The following SELENOT variants were observed in gnomAD, a reference collection of about 807,000 sequenced individuals.
SELENOT encodes selenoprotein T, also known as thioredoxin reductase-like selenoprotein T.
A neutral mutation model predicts 24.3 loss-of-function variants in SELENOT; 9 were observed. The observed-to-expected ratio is 0.37, with a 90% CI of 0.22 to 0.65. SELENOT has a LOEUF of 0.65. Among genes scored for constraint, SELENOT ranks in the 30% least tolerant of loss-of-function variants. The pLI, the probability that SELENOT is intolerant of heterozygous loss-of-function variation, is 0.60. For missense variants in SELENOT, 166 were observed against 247.6 expected (o/e 0.67, Z 2.21); for synonymous variants, 81 against 86.0 (o/e 0.94, Z 0.32).
intron 1 of SELENOT, among the ~76,000 whole-genome samples, chr3:150,608,335 A>G (rs1399442332): frequency 6.6e-6 from 1 of 152,250 alleles, no homozygotes; most frequent in Non-Finnish European, 1.5e-5. Context: ...CCTAAAATAC[A>G]TAATGGATTG....
intron 1 of SELENOT, among the ~76,000 whole-genome samples, chr3:150,620,826 T>G (rs1559897979): frequency 6.6e-6 from 1 of 152,316 alleles, no homozygotes; most frequent in East Asian, 1.9e-4. Context: ...CTAGATTATT[T>G]TTGTAAAACA....
chr3:150,628,176 G>A lies in SELENOT; in HGVS notation c.*547G>A, dbSNP rs1304246011. 1 of 152,326 alleles carries A rather than the reference G, an allele frequency of 6.6e-6. No individual in the cohort carries two copies. The highest frequency in any genetic ancestry group is 1.5e-5 in the Non-Finnish European group (1 of 67,982). The allele number at this position is 152,326 out of a possible 1,614,324, so 9.4% of individuals were successfully genotyped here. A position where few individuals can be genotyped will look rare whatever the true frequency, so the allele number is the denominator to read the frequency against. On this transcript the variant is annotated 3_prime_UTR_variant, in exon 6 of 6. Coordinates refer to ENST00000471696, the MANE Select transcript of SELENOT (RefSeq NM_016275.5). ...AAATATAGCAGATGCAAGATTATGG[G>A]GGAAATCCTATATTCAGAGTACTCT... is the stretch of plus-strand genomic sequence containing the variant.
chr3:150,624,972 TATA>T lies in SELENOT; in HGVS notation c.463+78_463+80del, dbSNP rs994376074. 1.8e-5 allele frequency: 13 copies of T among 714,380 alleles called. No individual in the cohort carries two copies. The Admixed American group carries it at 2.3e-4, about 13-fold the overall frequency. The allele number at this position is 714,380 out of a possible 1,614,324, so 44.3% of individuals were successfully genotyped here. On this transcript the variant is annotated intron_variant, in intron 4 of 5. Transcript: ENST00000471696. ...TAATGAGTATCAAGCTTTTATCTTT[TATA>T]ATAAGATAAACTTCTTTAGTGTTTG...
chr3:150,615,410 T>C (rs991435716), intron 1 of SELENOT, among the ~76,000 whole-genome samples: 10 of 151,846 alleles, frequency 6.6e-5, no homozygotes, highest in African/African-American at 2.4e-4. Flanking sequence ...CAAATGGTAT[T>C]TCTAGTTCTA....
intron 1 of SELENOT, among the ~76,000 whole-genome samples, chr3:150,618,503 G>A (rs1726268425): frequency 6.6e-6 from 1 of 152,144 alleles, no homozygotes; most frequent in Admixed American, 6.5e-5. Context: ...TAATAGAGAA[G>A]GTGAAAGTGG....
At chr3:150,625,858 T>G (rs1250072975) in intron 4 of SELENOT, among the ~76,000 whole-genome samples, 6 of 150,614 alleles carry the variant, frequency 4.0e-5, no homozygotes, top group South Asian at 4.2e-4. Flanking sequence ...CAATATCTGT[T>G]CTAAACAATA....
intron 1 of SELENOT, among the ~76,000 whole-genome samples, chr3:150,612,290 G>A (rs1559895992): frequency 6.6e-6 from 1 of 151,958 alleles, no homozygotes; most frequent in Non-Finnish European, 1.5e-5. Flanking sequence ...ACAGGGTTTC[G>A]GCATGTTTAT....
rs1443333823 is a variant in SELENOT, at chr3:150,628,221, T to TGTATG, written c.*593_*597dup. The TGTATG allele has an allele frequency of 6.6e-6, 1 of 152,606 alleles. No individual in the cohort carries two copies. The highest frequency in any genetic ancestry group is 1.5e-5 in the Non-Finnish European group (1 of 68,010). 9.5% of individuals were successfully genotyped at this position (152,606 alleles called of 1,614,324 possible). ...TACTCTATAAATTTTTGTGTATGTG[T>TGTATG]GTATGTGCGTGTGATTACCAGAGAA... On this transcript the variant is annotated 3_prime_UTR_variant, in exon 6 of 6. Coordinates refer to ENST00000471696, the MANE Select transcript of SELENOT (RefSeq NM_016275.5).
chr3:150,623,684 G>C (rs1328238035), intron 3 of SELENOT, among the ~76,000 whole-genome samples: 2 of 152,002 alleles, frequency 1.3e-5, no homozygotes, highest in African/African-American at 4.8e-5. Flanking sequence ...ATATACTTAA[G>C]AACTTTGTGC....
intron 1 of SELENOT, chr3:150,611,934 C>T: frequency 1.1e-6 from 1 of 870,896 alleles, no homozygotes; most frequent in Non-Finnish European, 1.7e-6. Context: ...CTGGCCGCTC[C>T]GTCGGCGGCA....
chr3:150,625,654 G>A (rs1366877467), intron 4 of SELENOT, among the ~76,000 whole-genome samples: 2 of 151,854 alleles, frequency 1.3e-5, no homozygotes, highest in South Asian at 2.1e-4. Context: ...AAAAACTAAT[G>A]TTTTATGACA....
At chr3:150,607,618 G>A (rs1725994645) in intron 1 of SELENOT, among the ~76,000 whole-genome samples, 1 of 152,236 alleles carries the variant, frequency 6.6e-6, no homozygotes, top group Non-Finnish European at 1.5e-5. Context: ...AGATTATGTG[G>A]TGGTATGAGA....
intron 1 of SELENOT, among the ~76,000 whole-genome samples, chr3:150,617,996 A>G (rs952535165): frequency 1.3e-5 from 2 of 152,026 alleles, no homozygotes; most frequent in East Asian, 1.9e-4. Flanking sequence ...AGCTGGGACT[A>G]CAGGCACGCG....
chr3:150,617,418 T>C (rs571065329), intron 1 of SELENOT, among the ~76,000 whole-genome samples: 1 of 152,242 alleles, frequency 6.6e-6, no homozygotes, highest in African/African-American at 2.4e-5. Context: ...CTGGGCAACA[T>C]AGTGAGATCT....
chr3:150,603,344 A>G lies in SELENOT; in HGVS notation c.-19A>G. On this transcript the variant is annotated 5_prime_UTR_variant, in exon 1 of 6. Coordinates refer to ENST00000471696, the MANE Select transcript of SELENOT (RefSeq NM_016275.5). Reference sequence around the variant, plus strand: ...CTGCAGTCTGTCTGAGGGCGGCCGAAGTGGCTGGCTCATTTAAGATGAGGC... The same window carrying G: ...CTGCAGTCTGTCTGAGGGCGGCCGAGGTGGCTGGCTCATTTAAGATGAGGC... 6.2e-7 allele frequency: 1 copy of G among 1,605,370 alleles called. No homozygotes were observed. The highest frequency in any genetic ancestry group is 2.2e-5 in the East Asian group (1 of 44,670).
At chr3:150,627,322 C>T (rs541151987) in intron 5 of SELENOT, among the ~76,000 whole-genome samples, 159 bp downstream of exon 5, 3 of 152,262 alleles carry the variant, frequency 2.0e-5, no homozygotes, top group African/African-American at 4.8e-5. Context: ...GAAGAGAGTT[C>T]GGCCCTGCCA....
At chr3:150,623,888 G>C (rs541972107) in intron 3 of SELENOT, among the ~76,000 whole-genome samples, 1 of 151,914 alleles carries the variant, frequency 6.6e-6, no homozygotes, top group Admixed American at 6.6e-5. Context: ...ATTTTTCTAG[G>C]CTTCCTTTTA....
chr3:150,607,174 T>G (rs967136817), intron 1 of SELENOT, among the ~76,000 whole-genome samples: 1 of 152,056 alleles, frequency 6.6e-6, no homozygotes, highest in East Asian at 1.9e-4. Flanking sequence ...ATTTTCAAAG[T>G]TTTGTTAGTT....
chr3:150,615,881 C>T (rs1430986729), intron 1 of SELENOT, among the ~76,000 whole-genome samples: 13 of 150,924 alleles, frequency 8.6e-5, no homozygotes, highest in East Asian at 3.9e-4. Context: ...AAAAAGAGCC[C>T]GCATCACCAA....
Sources: gnomAD v4.1 joint callset for allele counts (sites outside exome capture counted in the v4.1 genomes callset) on GRCh38, gnomAD v4.1.1 for gene constraint, MANE v1.5 for transcripts, NCBI Gene and HGNC (gene_info 2026-07-23, HGNC 2026-07-21) for gene names.